Variants in RB1 observed in about 807,000 individuals in gnomAD.
RB1 encodes retinoblastoma-associated protein.
A neutral mutation model predicts 135.4 loss-of-function variants in RB1; 18 were observed. The ratio of observed to expected loss-of-function variants is 0.13; its 90% CI spans 0.09 to 0.20. The LOEUF (loss-of-function observed/expected upper bound fraction) is 0.20. RB1 is among the 10% of genes least tolerant of loss of function. RB1 has a pLI of 1.00. For missense variants in RB1, 868 were observed against 1,110.0 expected (o/e 0.78, Z 3.10); for synonymous variants, 365 against 373.2 (o/e 0.98, Z 0.25).
intron 17 of RB1, among the ~76,000 whole-genome samples, chr13:48,391,158 T>G (rs1003512021): frequency 6.6e-6 from 1 of 152,122 alleles, no homozygotes; most frequent in African/African-American, 2.4e-5. Context: ...ATATGAATCT[T>G]TAATCTTTAA....
At chr13:48,412,507 C>T in intron 17 of RB1, 2 of 881,006 alleles carry the variant, frequency 2.3e-6, no homozygotes, top group Admixed American at 3.5e-5. Context: ...ACCTCTATAA[C>T]CTCCAATTTA....
intron 2 of RB1, among the ~76,000 whole-genome samples, chr13:48,333,744 A>T (rs1448291194): frequency 1.3e-5 from 2 of 151,874 alleles, no homozygotes; most frequent in Non-Finnish European, 2.9e-5. Context: ...AGAAAAAAAA[A>T]CAAAGAGAGA....
intron 17 of RB1, among the ~76,000 whole-genome samples, chr13:48,415,335 A>G (rs1304128738): frequency 1.4e-5 from 2 of 147,788 alleles, no homozygotes; most frequent in East Asian, 4.0e-4. Context: ...GCTGGAGTGC[A>G]GTGGTGCGAT....
intron 3 of RB1, 105 bp downstream of exon 3, chr13:48,342,819 G>C: frequency 2.5e-6 from 2 of 794,942 alleles, no homozygotes; most frequent in Non-Finnish European, 4.1e-6. Flanking sequence ...CTAAAATAAA[G>C]TAAAACAAAA....
chr13:48,322,196 C>G (rs1227717727), intron 2 of RB1, among the ~76,000 whole-genome samples: 1 of 152,158 alleles, frequency 6.6e-6, no homozygotes, highest in East Asian at 1.9e-4. Flanking sequence ...AGCATAATGG[C>G]CTCCATGTCC....
chr13:48,369,012 A>G (rs544414560), intron 11 of RB1, among the ~76,000 whole-genome samples: 1 of 152,164 alleles, frequency 6.6e-6, no homozygotes, highest in African/African-American at 2.4e-5. Context: ...GTCTCAAAAA[A>G]AAAATGTGTA....
chr13:48,308,594 A>T (rs1952106242), intron 2 of RB1, among the ~76,000 whole-genome samples: 1 of 151,836 alleles, frequency 6.6e-6, no homozygotes, highest in Non-Finnish European at 1.5e-5. Flanking sequence ...CAGAGTTTGC[A>T]GTGAGCCGTG....
rs553490117 is a variant in RB1, at chr13:48,364,654, G to A, written c.862-240G>A. On this transcript the variant is annotated intron_variant, in intron 8 of 26. Coordinates refer to ENST00000267163, the MANE Select transcript of RB1 (RefSeq NM_000321.3). The stretch of plus-strand genomic sequence containing the variant: ...AGGCTGAGGTGGAAGGATGGCTTGA[G>A]CCCAAGCATTTGAAGCTGTAATGCA... 1.6e-3 allele frequency among the ~76,000 whole-genome samples: 236 copies of A among 152,244 alleles called. 1 individual carries two copies. The highest frequency in any genetic ancestry group is 5.3e-3 in the African/African-American group (222 of 41,540).
chr13:48,431,028 A>T (rs1205643280), intron 17 of RB1, among the ~76,000 whole-genome samples: 2 of 152,220 alleles, frequency 1.3e-5, no homozygotes, highest in African/African-American at 4.8e-5. Context: ...TTGTTGCAAG[A>T]ACAACATAAA....
intron 4 of RB1, among the ~76,000 whole-genome samples, chr13:48,346,991 A>C (rs1036965971): frequency 1.3e-5 from 2 of 151,448 alleles, no homozygotes; most frequent in African/African-American, 4.9e-5. Flanking sequence ...TTGGGGACTC[A>C]TTGGTAGGAG....
At chr13:48,479,802 C>T (rs143262447) in intron 26 of RB1, among the ~76,000 whole-genome samples, 196 bp from the exon 27 acceptor site, 2 of 152,250 alleles carry the variant, frequency 1.3e-5, no homozygotes, top group Non-Finnish European at 2.9e-5. Flanking sequence ...GGGAACATTA[C>T]AATTCTAGCT....
intron 2 of RB1, among the ~76,000 whole-genome samples, chr13:48,323,538 G>A (rs1952259774): frequency 1.3e-5 from 2 of 151,276 alleles, no homozygotes; most frequent in Admixed American, 1.3e-4. Flanking sequence ...ATTTTTCCCT[G>A]TTTTTTCACT....
At chr13:48,311,671 T>TG (rs1358356033) in intron 2 of RB1, among the ~76,000 whole-genome samples, 1 of 152,226 alleles carries the variant, frequency 6.6e-6, no homozygotes, top group Non-Finnish European at 1.5e-5. Flanking sequence ...ATAATTAGAA[T>TG]GGTCCTTTTA....
intron 4 of RB1, among the ~76,000 whole-genome samples, 156 bp from the exon 5 acceptor site, chr13:48,347,669 T>C (rs1159953684): frequency 6.6e-6 from 1 of 152,046 alleles, no homozygotes; most frequent in Non-Finnish European, 1.5e-5. Context: ...ATGTCATAAA[T>C]TGGGAAAATC....
At chr13:48,372,220 A>G (rs776870959) in intron 11 of RB1, among the ~76,000 whole-genome samples, 2 of 152,236 alleles carry the variant, frequency 1.3e-5, no homozygotes, top group Admixed American at 6.5e-5. Flanking sequence ...TTTCTCTAAC[A>G]GTGTCAAATG....
chr13:48,348,430 A>G (rs1046016009), intron 5 of RB1, among the ~76,000 whole-genome samples: 1 of 151,816 alleles, frequency 6.6e-6, no homozygotes, highest in Non-Finnish European at 1.5e-5. Context: ...ATTAATTCCA[A>G]CAAGTGAATG....
rs138479235 is a variant in RB1, at chr13:48,387,022, T to C, written c.1695+5579T>C. On this transcript the variant is annotated intron_variant, in intron 17 of 26. Transcript: ENST00000267163. ...TGACTTGTCGAGTTTTGGCGTAGTG[T>C]CAGAAAACAGTAACCATAATTATCT... Among the ~76,000 whole-genome samples, 38 of 151,728 alleles carry C rather than the reference T, an allele frequency of 2.5e-4. No individual in the cohort carries two copies. The East Asian group carries it at 5.8e-3, about 23-fold the overall frequency.
intron 2 of RB1, among the ~76,000 whole-genome samples, chr13:48,335,393 A>G (rs1952374504): frequency 6.6e-6 from 1 of 152,050 alleles, no homozygotes; most frequent in African/African-American, 2.4e-5. Context: ...GTACATATCA[A>G]GTGTACACAT....
chr13:48,366,907 T>A (rs1461695186), intron 9 of RB1, among the ~76,000 whole-genome samples: 1 of 152,086 alleles, frequency 6.6e-6, no homozygotes, highest in Admixed American at 6.6e-5. Flanking sequence ...TCACCTGAGG[T>A]CAGGAGTTCA....
Sources: gnomAD v4.1 joint callset for allele counts (sites outside exome capture counted in the v4.1 genomes callset) on GRCh38, gnomAD v4.1.1 for gene constraint, MANE v1.5 for transcripts, NCBI Gene and HGNC (gene_info 2026-07-23, HGNC 2026-07-21) for gene names.